MGST1: variants seen among roughly 807,000 people sequenced by gnomAD.
MGST1 encodes the protein microsomal glutathione S-transferase 1.
A neutral mutation model predicts 8.9 loss-of-function variants in MGST1; 5 were observed. The ratio of observed to expected loss-of-function variants is 0.56; its 90% CI spans 0.29 to 1.19. The LOEUF (loss-of-function observed/expected upper bound fraction) is 1.19. Ranked by LOEUF, MGST1 falls within the 50% of genes most tolerant of loss-of-function variation. The probability of loss-of-function intolerance (pLI) is 0.08; values close to 1 mark genes in which losing one functional copy is unlikely to be tolerated. For synonymous variants in MGST1, 54 were observed against 67.8 expected (o/e 0.80, Z 1.00); for missense variants, 182 against 187.4 (o/e 0.97, Z 0.17).
intron 4 of MGST1, among the ~76,000 whole-genome samples, chr12:16,588,912 G>A (rs1398247281): frequency 6.6e-6 from 1 of 151,858 alleles, no homozygotes; most frequent in African/African-American, 2.4e-5. Flanking sequence ...GACATTGGAG[G>A]AGTATCAGCC....
rs776358812 is a variant in MGST1, at chr12:16,582,906, G to C, written n.483-6622G>C. 1.2e-4 allele frequency among the ~76,000 whole-genome samples: 18 copies of C among 152,068 alleles called. 1 individual carries two copies. The highest frequency in any genetic ancestry group is 2.0e-4 in the Admixed American group (3 of 15,264). ...CTACTAAAATAAAAAAATTAGCCGGGAGTGGTGGCATGCACCTGTAATCCC... is the reference window on the plus strand; with the variant it reads ...CTACTAAAATAAAAAAATTAGCCGGCAGTGGTGGCATGCACCTGTAATCCC... On this transcript the variant is annotated intron_variant and non_coding_transcript_variant, in intron 4 of 4. Transcript: ENST00000538857. This position sits in a 1 kb window ranked among gnomAD's most constrained non-coding sequence, Gnocchi z 4.1.
intron 3 of MGST1, among the ~76,000 whole-genome samples, chr12:16,358,047 T>G (rs1939806153): frequency 2.0e-5 from 3 of 152,142 alleles, no homozygotes; most frequent in Admixed American, 2.0e-4. Flanking sequence ...ATGTAAAAGG[T>G]TGAAGAATTA....
intron 4 of MGST1, among the ~76,000 whole-genome samples, chr12:16,551,720 T>G: frequency 6.6e-6 from 1 of 151,980 alleles, no homozygotes; most frequent in South Asian, 2.1e-4. Context: ...TGATTTCATC[T>G]CTGGCCATTT....
chr12:16,465,343 A>C (rs1017503171), intron 4 of MGST1, among the ~76,000 whole-genome samples: 1 of 152,142 alleles, frequency 6.6e-6, no homozygotes, highest in African/African-American at 2.4e-5. Context: ...TCTAGCCACA[A>C]CCTATATTTG....
At chr12:16,463,241 C>A (rs1001316891) in intron 4 of MGST1, among the ~76,000 whole-genome samples, 29 of 152,044 alleles carry the variant, frequency 1.9e-4, no homozygotes, top group African/African-American at 6.3e-4. Flanking sequence ...TGCAGTGGTG[C>A]TATCATGGCT....
chr12:16,519,359 C>A (rs1471533584), intron 4 of MGST1, among the ~76,000 whole-genome samples: 1 of 152,168 alleles, frequency 6.6e-6, no homozygotes, highest in African/African-American at 2.4e-5. Flanking sequence ...GAGACTACTT[C>A]TGGGAACACC....
intron 4 of MGST1, among the ~76,000 whole-genome samples, chr12:16,534,365 A>G (rs1425488035): frequency 6.6e-6 from 1 of 152,156 alleles, no homozygotes; most frequent in African/African-American, 2.4e-5. Flanking sequence ...TATAATGGGC[A>G]TTTTCCTCCT....
chr12:16,495,941 C>G (rs1464777528), intron 4 of MGST1, among the ~76,000 whole-genome samples: 1 of 152,022 alleles, frequency 6.6e-6, no homozygotes, highest in African/African-American at 2.4e-5. Flanking sequence ...AGTCCCCTTT[C>G]CTTTATAAAC....
At chr12:16,567,164 C>G (rs1178116446) in intron 4 of MGST1, among the ~76,000 whole-genome samples, 2 of 151,978 alleles carry the variant, frequency 1.3e-5, no homozygotes, top group African/African-American at 4.8e-5. Context: ...CCATTGCACT[C>G]CAGCCTGGGC....
intron 4 of MGST1, among the ~76,000 whole-genome samples, chr12:16,495,668 A>G (rs1375562182): frequency 6.6e-6 from 1 of 151,412 alleles, no homozygotes; most frequent in Non-Finnish European, 1.5e-5. Flanking sequence ...TTACTCTTTC[A>G]TCCCTCAGGG....
At chr12:16,391,895 T>C (rs1370683615) in intron 1 of MGST1, among the ~76,000 whole-genome samples, 1 of 152,222 alleles carries the variant, frequency 6.6e-6, no homozygotes, top group African/African-American at 2.4e-5. Flanking sequence ...TTTAAGTGTT[T>C]AATCCATCTT....
Position 16,585,152 on chromosome 12 carries a change from G to A in MGST1, n.483-4376G>A, listed in dbSNP as rs1269649833. Among the ~76,000 whole-genome samples the A allele has an allele frequency of 1.3e-5, 2 of 152,154 alleles. No individual in the cohort carries two copies. The highest frequency in any genetic ancestry group is 2.9e-5 in the Non-Finnish European group (2 of 68,032). On this transcript the variant is annotated intron_variant and non_coding_transcript_variant, in intron 4 of 4. Transcript: ENST00000538857. The surrounding 1 kb of genome is among the most constrained non-coding windows in gnomAD (Gnocchi z 4.7). ...TTCCCCCTTTGGGTGGCGCATGCAA[G>A]CCCCAGTTCACAACGTTATTTTTCC... is the stretch of plus-strand genomic sequence containing the variant.
intron 1 of MGST1, among the ~76,000 whole-genome samples, chr12:16,436,976 A>T (rs1466605754): frequency 1.3e-5 from 2 of 152,012 alleles, no homozygotes; most frequent in Non-Finnish European, 2.9e-5. Flanking sequence ...CTGGCCATTT[A>T]TATAGCCAAA....
chr12:16,465,829 C>G (rs566932435), intron 4 of MGST1, among the ~76,000 whole-genome samples: 2 of 152,232 alleles, frequency 1.3e-5, no homozygotes, highest in East Asian at 3.9e-4. Flanking sequence ...TCCCTGGTGC[C>G]AAAACCCTTG....
At chr12:16,372,923 TTATATTG>T (rs1347794639) in intron 3 of MGST1, among the ~76,000 whole-genome samples, 1 of 146,686 alleles carries the variant, frequency 6.8e-6, no homozygotes, top group Non-Finnish European at 1.5e-5. Context: ...TTTATATATT[TTATATTG>T]TATATTTTAT....
chr12:16,432,309 G>T (rs767886328), intron 1 of MGST1, among the ~76,000 whole-genome samples: 5 of 152,084 alleles, frequency 3.3e-5, no homozygotes, highest in Non-Finnish European at 5.9e-5. Context: ...TCACGTAGTG[G>T]ATTCCACCAC....
intron 4 of MGST1, among the ~76,000 whole-genome samples, chr12:16,444,183 GT>G (rs1161206533): frequency 0.037 from 4,814 of 128,472 alleles, 97 homozygotes; most frequent in African/African-American, 0.086. Flanking sequence ...GGCTGATTTG[GT>G]TTTTTTTTTT....
rs114349457 is a variant in MGST1, at chr12:16,384,521, G to A, written n.778+917G>A. Among the ~76,000 whole-genome samples, 10 of 152,260 alleles carry A rather than the reference G, an allele frequency of 6.6e-5. No individual in the cohort carries two copies. In the East Asian group the frequency reaches 1.7e-3, roughly 27 times the overall value. On this transcript the variant is annotated intron_variant and non_coding_transcript_variant, in intron 1 of 1. Transcript: ENST00000359720. ...AACCAGAAGGTAGGAGAGAGGCAAGGAACAGACGCCCTGGAGAATCCAGAC... is the reference window on the plus strand; with the variant it reads ...AACCAGAAGGTAGGAGAGAGGCAAGAAACAGACGCCCTGGAGAATCCAGAC...
downstream of MGST1, among the ~76,000 whole-genome samples, chr12:16,380,000 T>G (rs1338459237): frequency 2.0e-5 from 3 of 152,262 alleles, no homozygotes; most frequent in Non-Finnish European, 2.9e-5. Flanking sequence ...GATATCCCCT[T>G]TATCATTTTT....
Sources: gnomAD v4.1 joint callset for allele counts (sites outside exome capture counted in the v4.1 genomes callset) on GRCh38, gnomAD v4.1.1 for gene constraint, Gnocchi (gnomAD v3.1) non-coding constraint, MANE v1.5 for transcripts, NCBI Gene and HGNC (gene_info 2026-07-23, HGNC 2026-07-21) for gene names.